NDP: variants seen among roughly 807,000 people sequenced by gnomAD.
NDP encodes the protein norrin.
A neutral mutation model predicts 8.4 loss-of-function variants in NDP; 2 were observed. That is an observed-to-expected ratio of 0.24 (90% CI 0.10 to 0.75). NDP has a LOEUF of 0.75. NDP is among the 30% of genes least tolerant of loss of function. NDP has a pLI of 0.73. For synonymous variants in NDP, 55 were observed against 45.6 expected, an observed-to-expected ratio of 1.21 and a Z score of -0.83; for missense variants, 81 against 110.1, an observed-to-expected ratio of 0.74 and a Z score of 1.18.
At chrX:43,968,200 T>C (rs2035869677) in intron 1 of NDP, among the ~76,000 whole-genome samples, 1 of 111,642 alleles carries the variant, frequency 9.0e-6, no homozygotes, top group Non-Finnish European at 1.9e-5. Flanking sequence ...GGTTTCACGT[T>C]CTTACTGTTG....
chrX:43,962,951 G>A (rs1364102758), intron 1 of NDP, among the ~76,000 whole-genome samples: 2 of 112,238 alleles, frequency 1.8e-5, no homozygotes, highest in Non-Finnish European at 3.8e-5. Flanking sequence ...GAGAGATGGT[G>A]TTGTGCCCAC....
At chrX:43,968,405 A>G (rs2035870799) in intron 1 of NDP, among the ~76,000 whole-genome samples, 1 of 112,461 alleles carries the variant, frequency 8.9e-6, no homozygotes, top group Non-Finnish European at 1.9e-5. Context: ...CAACAACTCA[A>G]CTGTGTGGGT....
At chrX:43,960,868 A>G (rs1027402162) in intron 1 of NDP, 2 of 112,453 alleles carry the variant, frequency 1.8e-5, no homozygotes, top group Admixed American at 9.4e-5. Flanking sequence ...ACTGCCAGCA[A>G]CTTCTCTTCA....
At chrX:43,965,836 T>C (rs765064484) in intron 1 of NDP, among the ~76,000 whole-genome samples, 1 of 111,711 alleles carries the variant, frequency 9.0e-6, no homozygotes, top group Non-Finnish European at 1.9e-5. Context: ...CTTGGTAAAG[T>C]ATCTACTACA....
intron 1 of NDP, among the ~76,000 whole-genome samples, chrX:43,965,437 A>T (rs772558895): frequency 1.8e-5 from 2 of 111,013 alleles, no homozygotes; most frequent in East Asian, 5.7e-4. Context: ...AAAAGTTAAC[A>T]GTAATATCAA....
At chrX:43,972,277 G>A (rs2035895029) in intron 1 of NDP, among the ~76,000 whole-genome samples, 1 of 111,249 alleles carries the variant, frequency 9.0e-6, no homozygotes, top group South Asian at 3.9e-4. Flanking sequence ...TGCCTCTCAT[G>A]GAGGCTTATC....
chrX:43,968,549 C>G (rs1452232620), intron 1 of NDP, among the ~76,000 whole-genome samples: 1 of 112,514 alleles, frequency 8.9e-6, no homozygotes, highest in African/African-American at 3.2e-5. Context: ...AAATTAAACA[C>G]AGAAGTTCAT....
At chrX:43,957,174 G>A (rs1370380039) in intron 2 of NDP, among the ~76,000 whole-genome samples, 2 of 111,780 alleles carry the variant, frequency 1.8e-5, no homozygotes, top group African/African-American at 6.5e-5. Context: ...GGGGAGGGAA[G>A]GAGAAACTAA....
At chrX:43,957,324 A>G (rs1403091094) in intron 2 of NDP, among the ~76,000 whole-genome samples, 1 of 84,740 alleles carries the variant, frequency 1.2e-5, no homozygotes, top group Non-Finnish European at 2.3e-5. Context: ...ATTTATGTTC[A>G]TCTATTTACT....
intron 1 of NDP, among the ~76,000 whole-genome samples, chrX:43,963,959 T>C (rs1366280731): frequency 8.9e-6 from 1 of 112,458 alleles, no homozygotes; most frequent in African/African-American, 3.2e-5. Flanking sequence ...GCCTCCAGCC[T>C]GCCAACTCCA....
At chrX:43,964,474 G>A (rs537331216) in intron 1 of NDP, among the ~76,000 whole-genome samples, 35 of 110,921 alleles carry the variant, frequency 3.2e-4, no homozygotes, top group African/African-American at 9.9e-4. Flanking sequence ...GGAGTGGGAG[G>A]ACTCGACCTT....
intron 1 of NDP, among the ~76,000 whole-genome samples, chrX:43,960,168 C>T (rs1241649175): frequency 2.7e-5 from 3 of 111,364 alleles, no homozygotes; most frequent in African/African-American, 9.8e-5. Context: ...TCAGGGAAGT[C>T]CTATAAATTG....
intron 2 of NDP, among the ~76,000 whole-genome samples, chrX:43,956,307 G>A (rs1014252378): frequency 8.9e-6 from 1 of 111,873 alleles, no homozygotes; most frequent in African/African-American, 3.3e-5. Flanking sequence ...CAGGCAAACA[G>A]TAGGCACATG....
chrX:43,966,337 C>G (rs2035857805), intron 1 of NDP, among the ~76,000 whole-genome samples: 1 of 111,388 alleles, frequency 9.0e-6, no homozygotes, highest in Non-Finnish European at 1.9e-5. Flanking sequence ...GGAGAAGTAA[C>G]AAAAGAGGAG....
chrX:43,963,992 C>T (rs780659535), intron 1 of NDP, among the ~76,000 whole-genome samples: 6 of 111,994 alleles, frequency 5.4e-5, no homozygotes, highest in Non-Finnish European at 9.4e-5. Flanking sequence ...GATGGGCAGG[C>T]AAAAGGTCAG....
intron 2 of NDP, among the ~76,000 whole-genome samples, chrX:43,950,458 C>CAAAAAAAAAAAAAAAAAAAAAGAAAAAAA (rs11292831): frequency 1.7e-5 from 1 of 59,303 alleles, no homozygotes; most frequent in African/African-American, 6.3e-5. Flanking sequence ...AAATGACTAC[C>CAAAAAAAAAAAAAAAAAAAAAGAAAAAAA]AAAAAAAAAA....
rs1441136063 is a variant in NDP at position 43,971,249 on chromosome X, A to C, written c.-208+2055T>G. 3.6e-5 allele frequency among the ~76,000 whole-genome samples: 4 copies of C among 111,983 alleles called. No individual in the cohort carries two copies. In the Admixed American group the frequency reaches 3.8e-4, roughly 11 times the overall value. ...TCTAGAAAATGCTTAATAAATATTT[A>C]TTTAAAAATTGATGAAATAAATAAT... On this transcript the variant is annotated intron_variant, in intron 1 of 2. Transcript: ENST00000642620.
At chrX:43,969,822 A>G (rs969448349) in intron 1 of NDP, among the ~76,000 whole-genome samples, 2 of 111,744 alleles carry the variant, frequency 1.8e-5, no homozygotes, top group African/African-American at 3.3e-5. Flanking sequence ...GCTCAGGCGA[A>G]GGGAAAAGGG....
Position 43,973,088 on chromosome X carries a change from A to G in NDP, c.-208+216T>C, listed in dbSNP as rs186045587. 2.1e-4 allele frequency among the ~76,000 whole-genome samples: 24 copies of G among 113,021 alleles called. No individual in the cohort carries two copies. The East Asian group carries it at 6.4e-3, about 30-fold the overall frequency. On this transcript the variant is annotated intron_variant, in intron 1 of 2. Transcript: ENST00000642620. ...TAAGTCAAACCAAAAGATATTTTCA[A>G]GCTTTTCTAGGAGGCTCCCTGCTCT...
Sources: gnomAD v4.1 joint callset for allele counts (sites outside exome capture counted in the v4.1 genomes callset) on GRCh38, gnomAD v4.1.1 for gene constraint, MANE v1.5 for transcripts, NCBI Gene and HGNC (gene_info 2026-07-23, HGNC 2026-07-21) for gene names.